The following STPG2 variants were observed in gnomAD, a reference collection of about 807,000 sequenced individuals.
STPG2 encodes the protein sperm-tail PG-rich repeat-containing protein 2.
Under a neutral mutation model 54.2 loss-of-function variants are expected in STPG2, and 56 were observed. The observed-to-expected ratio is 1.03, with a 90% CI of 0.83 to 1.29. The LOEUF (loss-of-function observed/expected upper bound fraction) is 1.29, where lower values mean the gene tolerates loss of function less well. Among genes scored for constraint, STPG2 ranks in the 50% most tolerant of loss-of-function variants. The pLI, the probability that STPG2 is intolerant of heterozygous loss-of-function variation, is 0.00. For synonymous variants in STPG2, 200 were observed against 181.8 expected (o/e 1.10, Z -0.81); for missense variants, 596 against 544.9 (o/e 1.09, Z -0.93).
chr4:97,681,183 G>T (rs1008745331), intron 10 of STPG2, among the ~76,000 whole-genome samples: 3 of 151,838 alleles, frequency 2.0e-5, no homozygotes, highest in Non-Finnish European at 4.4e-5. Context: ...TTTTTTAAAA[G>T]TGAAAGGTCT....
chr4:97,600,772 GTTAAAGCCTAAAATGAGAAA>G (rs1733438302), intron 10 of STPG2, among the ~76,000 whole-genome samples: 2 of 152,016 alleles, frequency 1.3e-5, no homozygotes, highest in Non-Finnish European at 2.9e-5. Context: ...TATATAGACC[GTTAAAGCCTAAAATGAGAAA>G]TTTAGACTTA....
chr4:97,852,967 C>CTTTTTTTT lies in STPG2; in HGVS notation c.1045-12043_1045-12036dup, dbSNP rs574886386. Among the ~76,000 whole-genome samples, 11 of 69,632 alleles carry CTTTTTTTT rather than the reference C, an allele frequency of 1.6e-4. 1 individual carries two copies. Among genetic ancestry groups the CTTTTTTTT allele is most frequent in the South Asian group, 6.3e-4 (1 of 1,594 alleles). The allele number at this position is 69,632 out of a possible 152,430, so 45.7% of individuals were successfully genotyped here. ...ATGTTCCTATAAATTAACATATTTT[C>CTTTTTTTT]TTTTTTTTTTTTTTTTTTTTTTTTT... On this transcript the variant is annotated intron_variant, in intron 8 of 10. Coordinates refer to ENST00000295268, the MANE Select transcript of STPG2 (RefSeq NM_174952.3).
intron 4 of STPG2, among the ~76,000 whole-genome samples, chr4:97,529,863 C>G (rs1390294737): frequency 6.6e-6 from 1 of 152,152 alleles, no homozygotes. Flanking sequence ...TCTCAACTAT[C>G]AATTCCTCAA....
intron 9 of STPG2, among the ~76,000 whole-genome samples, chr4:97,837,339 C>G (rs165251): frequency 0.58 from 88,212 of 151,256 alleles, 26,287 homozygotes; most frequent in East Asian, 0.74. Flanking sequence ...ATGTATGAGG[C>G]TCCTCAATTT....
chr4:97,937,936 G>A (rs1338364148), intron 8 of STPG2, among the ~76,000 whole-genome samples: 1 of 152,136 alleles, frequency 6.6e-6, no homozygotes, highest in Non-Finnish European at 1.5e-5. Context: ...TACTGCACTT[G>A]GGGCAAACCC....
intron 6 of STPG2, among the ~76,000 whole-genome samples, chr4:97,973,946 G>C (rs1734421353): frequency 6.6e-6 from 1 of 152,164 alleles, no homozygotes; most frequent in African/African-American, 2.4e-5. Context: ...TATGAGAAGA[G>C]GGCCACCATA....
intron 10 of STPG2, among the ~76,000 whole-genome samples, chr4:97,562,729 T>C (rs1732292047): frequency 6.6e-6 from 1 of 152,236 alleles, no homozygotes; most frequent in Non-Finnish European, 1.5e-5. Flanking sequence ...CTTCTGTTTA[T>C]ATGCTGGATT....
At chr4:97,578,664 T>A (rs1049089909) in intron 10 of STPG2, among the ~76,000 whole-genome samples, 4 of 152,008 alleles carry the variant, frequency 2.6e-5, no homozygotes, top group African/African-American at 9.7e-5. Flanking sequence ...GAGTTTTGGT[T>A]TGTTGAGTTT....
chr4:97,914,406 A>G (rs1354974143), intron 8 of STPG2, among the ~76,000 whole-genome samples: 1 of 152,174 alleles, frequency 6.6e-6, no homozygotes, highest in Non-Finnish European at 1.5e-5. Flanking sequence ...AGGTCATGAA[A>G]AGATTTTTTT....
intron 8 of STPG2, among the ~76,000 whole-genome samples, chr4:97,872,379 A>G (rs1289718421): frequency 2.0e-5 from 3 of 151,282 alleles, no homozygotes. Context: ...GCACATCTGG[A>G]AAATCCTAAA....
At chr4:97,783,401 C>T (rs1027372105) in intron 9 of STPG2, among the ~76,000 whole-genome samples, 3 of 152,028 alleles carry the variant, frequency 2.0e-5, no homozygotes, top group Admixed American at 6.6e-5. Context: ...GTTAGAATGG[C>T]GATCATTAAA....
chr4:97,456,726 T>C (rs1320939727), intron 4 of STPG2, among the ~76,000 whole-genome samples: 1 of 151,364 alleles, frequency 6.6e-6, no homozygotes, highest in East Asian at 2.0e-4. Context: ...AAACCCCATC[T>C]CTACTAAAAA....
At chr4:97,503,065 G>A (rs1317156773) in intron 4 of STPG2, among the ~76,000 whole-genome samples, 3 of 151,858 alleles carry the variant, frequency 2.0e-5, no homozygotes, top group Non-Finnish European at 2.9e-5. Flanking sequence ...TTACCCAAGG[G>A]ATAGTTCAAT....
At chr4:98,088,339 A>T (rs1738587450) in intron 5 of STPG2, among the ~76,000 whole-genome samples, 1 of 152,048 alleles carries the variant, frequency 6.6e-6, no homozygotes, top group Admixed American at 6.5e-5. Context: ...AACCTTAGAG[A>T]TTTATGTCAT....
chr4:97,667,429 A>G (rs1172146534), intron 10 of STPG2, among the ~76,000 whole-genome samples: 1 of 152,250 alleles, frequency 6.6e-6, no homozygotes, highest in African/African-American at 2.4e-5. Context: ...AGTATATAGT[A>G]AGACTTGAGG....
intron 10 of STPG2, among the ~76,000 whole-genome samples, chr4:97,622,431 AG>A (rs1734035815): frequency 6.8e-6 from 1 of 147,926 alleles, no homozygotes; most frequent in African/African-American, 2.7e-5. Flanking sequence ...CAGCAGTTTC[AG>A]GATACAAAAT....
chr4:97,897,806 AC>A (rs1731017593), intron 8 of STPG2, among the ~76,000 whole-genome samples: 2 of 152,032 alleles, frequency 1.3e-5, no homozygotes, highest in Non-Finnish European at 2.9e-5. Flanking sequence ...TGGATATTAG[AC>A]CTTTGTCAGG....
At chr4:98,109,060 C>T (rs10019087) in intron 4 of STPG2, 133 bp downstream of exon 4, 192,000 of 506,648 alleles carry the variant, frequency 0.38, 37,721 homozygotes, top group African/African-American at 0.45. Context: ...ATATACATTA[C>T]ACCAAAATGT....
chr4:98,069,791 C>A (rs1737945776), intron 5 of STPG2, among the ~76,000 whole-genome samples: 2 of 151,964 alleles, frequency 1.3e-5, no homozygotes, highest in African/African-American at 2.4e-5. Flanking sequence ...TATAGAGACA[C>A]CACCTCCACC....
Sources: gnomAD v4.1 joint callset for allele counts (sites outside exome capture counted in the v4.1 genomes callset) on GRCh38, gnomAD v4.1.1 for gene constraint, MANE v1.5 for transcripts, NCBI Gene and HGNC (gene_info 2026-07-23, HGNC 2026-07-21) for gene names.